The following FAM117B variants were observed in gnomAD, a reference collection of about 807,000 sequenced individuals.
FAM117B encodes the protein family with sequence similarity 117 member B, also known as protein FAM117B.
Under a neutral mutation model 52.8 loss-of-function variants are expected in FAM117B, and 22 were observed. The observed-to-expected ratio is 0.42, with a 90% CI of 0.30 to 0.59. The LOEUF is 0.59. Among genes scored for constraint, FAM117B ranks in the 20% least tolerant of loss-of-function variants. The pLI, the probability that FAM117B is intolerant of heterozygous loss-of-function variation, is 0.22. For missense variants in FAM117B, 678 were observed against 802.6 expected, an observed-to-expected ratio of 0.84 and a Z score of 1.88; for synonymous variants, 309 against 324.1, an observed-to-expected ratio of 0.95 and a Z score of 0.50.
At chr2:202,646,018 C>A (rs928480345) in intron 1 of FAM117B, among the ~76,000 whole-genome samples, 1 of 150,892 alleles carries the variant, frequency 6.6e-6, no homozygotes, top group Non-Finnish European at 1.5e-5. Flanking sequence ...CTGTTAATGC[C>A]TAAAAGTTTT....
chr2:202,718,915 G>A (rs752542055), intron 2 of FAM117B, among the ~76,000 whole-genome samples: 5 of 152,096 alleles, frequency 3.3e-5, no homozygotes, highest in Admixed American at 6.5e-5. Context: ...ATCATAATTA[G>A]CTATCTATTC....
intron 4 of FAM117B, among the ~76,000 whole-genome samples, chr2:202,752,492 A>G (rs1691740757): frequency 6.6e-6 from 1 of 150,924 alleles, no homozygotes; most frequent in African/African-American, 2.4e-5. Context: ...TAAGTTCTGT[A>G]TCAGACAGCA....
At chr2:202,729,902 A>G (rs544019859) in intron 4 of FAM117B, among the ~76,000 whole-genome samples, 5 of 152,324 alleles carry the variant, frequency 3.3e-5, no homozygotes, top group South Asian at 4.1e-4. Flanking sequence ...ATATGTGACT[A>G]TTTCATAATG....
chr2:202,647,128 A>G (rs1348129364), intron 1 of FAM117B, among the ~76,000 whole-genome samples: 1 of 152,116 alleles, frequency 6.6e-6, no homozygotes, highest in Non-Finnish European at 1.5e-5. Context: ...TATTTTTTCT[A>G]AAGGTATATT....
At chr2:202,688,040 A>C (rs1401801829) in intron 1 of FAM117B, among the ~76,000 whole-genome samples, 1 of 152,208 alleles carries the variant, frequency 6.6e-6, no homozygotes, top group Non-Finnish European at 1.5e-5. Flanking sequence ...CTTAGATTAT[A>C]AATAAATTCT....
At chr2:202,741,195 G>A (rs189687931) in intron 4 of FAM117B, among the ~76,000 whole-genome samples, 3 of 152,136 alleles carry the variant, frequency 2.0e-5, no homozygotes, top group African/African-American at 7.2e-5. Flanking sequence ...GCTAAGGCAG[G>A]CGGATCACGA....
At chr2:202,695,771 A>AG in intron 1 of FAM117B, 110 bp from the exon 2 acceptor site, 1 of 1,186,016 alleles carries the variant, frequency 8.4e-7, no homozygotes, top group Middle Eastern at 2.0e-4. Flanking sequence ...CTGTGGTTAA[A>AG]GGGGATTACC....
intron 1 of FAM117B, among the ~76,000 whole-genome samples, chr2:202,678,744 GACGGGGTTTCTCC>G (rs1282700737): frequency 6.6e-6 from 1 of 152,148 alleles, no homozygotes; most frequent in African/African-American, 2.4e-5. Flanking sequence ...TTTTAGTAGA[GACGGGGTTTCTCC>G]ACGTTGGCCA....
Position 202,767,641 on chromosome 2 carries a change from C to T in FAM117B, c.*1877C>T, listed in dbSNP as rs550937612. Reference sequence around the variant, plus strand: ...GCAGTTTAGAAGGTTAATATGTCAGCTTACCCAGACATATTCTATCAAGGA... The same window carrying T: ...GCAGTTTAGAAGGTTAATATGTCAGTTTACCCAGACATATTCTATCAAGGA... On this transcript the variant is annotated 3_prime_UTR_variant, in exon 8 of 8. Coordinates refer to ENST00000392238, the MANE Select transcript of FAM117B (RefSeq NM_173511.4). The T allele has an allele frequency of 9.2e-5, 14 of 152,220 alleles. No homozygotes were observed. Among genetic ancestry groups the T allele is most frequent in the African/African-American group, 3.4e-4 (14 of 41,526 alleles). 9.4% of individuals were successfully genotyped at this position (152,220 alleles called of 1,614,324 possible).
chr2:202,741,486 A>G (rs1007691566), intron 4 of FAM117B, among the ~76,000 whole-genome samples: 1 of 149,386 alleles, frequency 6.7e-6, no homozygotes, highest in Non-Finnish European at 1.5e-5. Flanking sequence ...TTCAGATAAT[A>G]TGATAGTATA....
In FAM117B at chr2:202,759,315, T is replaced by C; in HGVS notation, c.1413T>C (p.Pro471=). The change falls in exon 7 of 8, where the codon CCT becomes CCC. Residue 471 remains proline (P), a synonymous_variant. Coordinates refer to ENST00000392238, the MANE Select transcript of FAM117B (RefSeq NM_173511.4). ...NNSYMFKREP[P]EGCERVKVFE... ...GTTATATGTTCAAAAGGGAACCTCCTGAGGGCTGTGAAAGGGTCAAAGTCT... is the reference window on the plus strand; with the variant it reads ...GTTATATGTTCAAAAGGGAACCTCCCGAGGGCTGTGAAAGGGTCAAAGTCT... 1 of 1,614,116 alleles carries C rather than the reference T, an allele frequency of 6.2e-7. No homozygotes were observed. Among genetic ancestry groups the C allele is most frequent in the Non-Finnish European group, 8.5e-7 (1 of 1,180,014 alleles).
intron 4 of FAM117B, among the ~76,000 whole-genome samples, chr2:202,753,849 G>A (rs977106421): frequency 7.9e-5 from 12 of 152,118 alleles, no homozygotes; most frequent in African/African-American, 2.6e-4. Flanking sequence ...AGTCAGAATG[G>A]CAATTATTAA....
chr2:202,743,993 A>T (rs1691590425), intron 4 of FAM117B, among the ~76,000 whole-genome samples: 2 of 152,226 alleles, frequency 1.3e-5, no homozygotes, highest in Admixed American at 6.5e-5. Context: ...GTCTTACAAG[A>T]GATATGGATA....
chr2:202,680,259 C>CA (rs1027412222), intron 1 of FAM117B, among the ~76,000 whole-genome samples: 12 of 151,520 alleles, frequency 7.9e-5, no homozygotes, highest in Admixed American at 2.6e-4. Context: ...GGAAGAGCCA[C>CA]AAAAAAAGTC....
intron 4 of FAM117B, among the ~76,000 whole-genome samples, chr2:202,747,735 G>T (rs986123082): frequency 6.6e-6 from 1 of 151,914 alleles, no homozygotes; most frequent in Non-Finnish European, 1.5e-5. Flanking sequence ...AAAAAACCCT[G>T]AGAATAAATT....
intron 4 of FAM117B, among the ~76,000 whole-genome samples, chr2:202,748,161 A>G (rs1398916450): frequency 6.6e-6 from 1 of 152,208 alleles, no homozygotes; most frequent in Non-Finnish European, 1.5e-5. Context: ...GATTTTTCAC[A>G]GAAGTGCTAA....
chr2:202,670,492 C>T (rs1690274579), intron 1 of FAM117B, among the ~76,000 whole-genome samples: 1 of 151,912 alleles, frequency 6.6e-6, no homozygotes, highest in African/African-American at 2.4e-5. Context: ...TCATGAAACA[C>T]GTTGGCCATT....
At chr2:202,742,448 T>A (rs1691557732) in intron 4 of FAM117B, among the ~76,000 whole-genome samples, 3 of 152,162 alleles carry the variant, frequency 2.0e-5, no homozygotes, top group Non-Finnish European at 2.9e-5. Flanking sequence ...TGGTCAGAGA[T>A]GAACTTTTGA....
chr2:202,668,682 A>G (rs997045459), intron 1 of FAM117B, among the ~76,000 whole-genome samples: 1 of 151,824 alleles, frequency 6.6e-6, no homozygotes, highest in Admixed American at 6.6e-5. Flanking sequence ...AAAGTGTGGT[A>G]TAGGATGGTA....
Sources: allele counts gnomAD v4.1 joint callset (sites outside exome capture counted in the v4.1 genomes callset), GRCh38; gene constraint gnomAD v4.1.1; transcripts MANE v1.5; gene names NCBI Gene and HGNC (gene_info 2026-07-23, HGNC 2026-07-21).